Variants in CLDN10 observed in about 807,000 individuals in gnomAD.
CLDN10 encodes the protein claudin 10, also known as claudin-10.
Under a neutral mutation model 22.9 loss-of-function variants are expected in CLDN10, and 15 were observed. The ratio of observed to expected loss-of-function variants is 0.65; its 90% CI spans 0.44 to 1.01. The LOEUF (loss-of-function observed/expected upper bound fraction) is 1.01. Ranked by LOEUF, CLDN10 falls within the 50% of genes least tolerant of loss-of-function variation. The probability of loss-of-function intolerance (pLI) is 0.00; values close to 1 mark genes in which losing one functional copy is unlikely to be tolerated. For missense variants in CLDN10, 247 were observed against 287.8 expected (o/e 0.86, Z 1.03); for synonymous variants, 114 against 111.4 (o/e 1.02, Z -0.15).
intron 1 of CLDN10, 116 bp from the exon 2 acceptor site, chr13:95,560,016 C>A: frequency 1.0e-6 from 1 of 994,886 alleles, no homozygotes; most frequent in Non-Finnish European, 1.5e-6. Context: ...CACATGTTTT[C>A]ACCATCACAG....
At chr13:95,549,525 C>A (rs2043543166), upstream of CLDN10, among the ~76,000 whole-genome samples, 1 of 152,158 alleles carries the variant, frequency 6.6e-6, no homozygotes, top group Non-Finnish European at 1.5e-5. Flanking sequence ...CTTTAGAATT[C>A]TCCTGACAAA....
chr13:95,557,039 G>A (rs1173005645), intron 1 of CLDN10, among the ~76,000 whole-genome samples: 1 of 152,180 alleles, frequency 6.6e-6, no homozygotes, highest in African/African-American at 2.4e-5. Flanking sequence ...TCCTTTCAAA[G>A]TACCACTTGA....
intron 1 of CLDN10, among the ~76,000 whole-genome samples, chr13:95,450,564 C>T (rs571097739): frequency 1.3e-5 from 2 of 152,360 alleles, no homozygotes; most frequent in South Asian, 2.1e-4. Flanking sequence ...CATGTGTCTT[C>T]CTCACAGTCC....
chr13:95,577,488 A>C, intron 4 of CLDN10, 150 bp downstream of exon 4: 1 of 626,810 alleles, frequency 1.6e-6, no homozygotes, highest in South Asian at 2.0e-5. Context: ...TAATTTTTTA[A>C]AGTTTTACCA....
intron 1 of CLDN10, among the ~76,000 whole-genome samples, chr13:95,480,369 G>T (rs1442620832): frequency 6.6e-6 from 1 of 152,198 alleles, no homozygotes; most frequent in South Asian, 2.1e-4. Flanking sequence ...CCCTGTATTA[G>T]AGGAGAATGC....
chr13:95,486,513 A>C (rs1157699000), intron 1 of CLDN10, among the ~76,000 whole-genome samples: 5 of 136,786 alleles, frequency 3.7e-5, no homozygotes, highest in African/African-American at 8.1e-5. Flanking sequence ...ACACAGTGAG[A>C]CCCCATCTCA....
intron 3 of CLDN10, among the ~76,000 whole-genome samples, chr13:95,570,852 A>T (rs1358993665): frequency 1.5e-5 from 1 of 66,036 alleles, no homozygotes; most frequent in Non-Finnish European, 3.1e-5. Flanking sequence ...ACACACATAT[A>T]CGTGTGTATA....
At chr13:95,545,930 G>T (rs756064509) in intron 1 of CLDN10, among the ~76,000 whole-genome samples, 2 of 152,142 alleles carry the variant, frequency 1.3e-5, no homozygotes, top group Non-Finnish European at 2.9e-5. Context: ...ACAGATTTAA[G>T]AATTCTCTAA....
intron 1 of CLDN10, among the ~76,000 whole-genome samples, chr13:95,532,828 G>T (rs896492238): frequency 7.1e-6 from 1 of 140,330 alleles, no homozygotes; most frequent in African/African-American, 2.7e-5. Context: ...GACATGAACT[G>T]CTTATATGTG....
At position 95,511,971 on chromosome 13, in the gene CLDN10, G is replaced by A. The variant is rs1289737565; in HGVS notation, c.215-48161G>A. ...CCATTAACTCATCATTTAACATTAG[G>A]TATATCTCCTAATGCTATCCCCCCC... On this transcript the variant is annotated intron_variant, in intron 1 of 4. Coordinates refer to the CLDN10 transcript ENST00000376873. 5.2e-5 allele frequency among the ~76,000 whole-genome samples: 7 copies of A among 135,412 alleles called. 1 individual carries two copies. The highest frequency in any genetic ancestry group is 1.1e-4 in the Non-Finnish European group (7 of 61,316). 88.8% of individuals were successfully genotyped at this position (135,412 alleles called of 152,430 possible).
rs760177426 is a variant in CLDN10 at position 95,577,951 on chromosome 13, TG to T, written c.626del (p.Gly209ValfsTer30). On this transcript the variant is annotated frameshift_variant, in exon 5 of 5. Transcript: ENST00000299339. LOFTEE classifies it high-confidence loss of function. Reference protein sequence around the residue: ...SVMSSRTKYHGGEDFKTTNPS... With the variant: ...SVMSSRTKYHXGEDFKTTNPS... ...TCATGTCTTCTCGGACAAAGTATCATGGTGGAGAAGATTTTAAAACAACAAA... is the reference window on the plus strand; with the variant it reads ...TCATGTCTTCTCGGACAAAGTATCATGTGGAGAAGATTTTAAAACAACAAA... 1 of 1,613,988 alleles carries T rather than the reference TG, an allele frequency of 6.2e-7. No homozygotes were observed. The highest frequency in any genetic ancestry group is 8.5e-7 in the Non-Finnish European group (1 of 1,179,878).
At position 95,578,045 on chromosome 13, in the gene CLDN10, T is replaced by G; in HGVS notation, c.*31T>G. 7.4e-7 allele frequency: 1 copy of G among 1,359,088 alleles called. No individual in the cohort carries two copies. Among genetic ancestry groups the G allele is most frequent in the Non-Finnish European group, 1.0e-6 (1 of 955,664 alleles). The allele number at this position is 1,359,088 out of a possible 1,614,324, so 84.2% of individuals were successfully genotyped here. ...CTCGCTGGCAAGCTGCCTCTTGAGT[T>G]TGTTATAAAAGCGAACTGTTCACAA... On this transcript the variant is annotated 3_prime_UTR_variant, in exon 5 of 5. Coordinates refer to ENST00000299339, the MANE Select transcript of CLDN10 (RefSeq NM_006984.5).
At position 95,498,862 on chromosome 13, in the gene CLDN10, G is replaced by A. The variant is rs141306238; in HGVS notation, c.215-61270G>A. 2.5e-3 allele frequency among the ~76,000 whole-genome samples: 383 copies of A among 152,252 alleles called. 1 individual carries two copies. Among genetic ancestry groups the A allele is most frequent in the African/African-American group, 8.7e-3 (361 of 41,556 alleles). On this transcript the variant is annotated intron_variant, in intron 1 of 4. Transcript: ENST00000376873. ...TTTTATCTTGCAAAACTGAAACTCT[G>A]TACCCATTAAAGAACTCATTTCTGC...
chr13:95,448,126 G>A (rs1328717733), intron 1 of CLDN10, among the ~76,000 whole-genome samples: 2 of 151,758 alleles, frequency 1.3e-5, no homozygotes, highest in Admixed American at 6.6e-5. Context: ...ACATGCACAC[G>A]CATACACCAG....
At chr13:95,471,453 A>ATATTTTTTTTTT (rs776857009) in intron 1 of CLDN10, among the ~76,000 whole-genome samples, 1 of 106,414 alleles carries the variant, frequency 9.4e-6, no homozygotes, top group African/African-American at 4.0e-5. Context: ...ATATATATAT[A>ATATTTTTTTTTT]TTTTTTTTTT....
intron 1 of CLDN10, among the ~76,000 whole-genome samples, chr13:95,438,129 C>T (rs2042289484): frequency 6.6e-6 from 1 of 152,252 alleles, no homozygotes; most frequent in African/African-American, 2.4e-5. Context: ...TCATGGCTCA[C>T]TTCAGCCTTG....
intron 1 of CLDN10, among the ~76,000 whole-genome samples, chr13:95,487,845 T>A (rs562541856): frequency 1.1e-4 from 16 of 152,156 alleles, no homozygotes; most frequent in East Asian, 9.7e-4. Flanking sequence ...TGGCTAATTT[T>A]AAAAAATTTT....
chr13:95,516,740 C>T (rs2138574681), intron 1 of CLDN10, among the ~76,000 whole-genome samples: 1 of 152,292 alleles, frequency 6.6e-6, no homozygotes, highest in Admixed American at 6.5e-5. Context: ...CTTTGGATCT[C>T]TGTGTGTGCA....
intron 1 of CLDN10, among the ~76,000 whole-genome samples, chr13:95,502,750 A>T (rs954058738): frequency 1.3e-5 from 2 of 152,112 alleles, no homozygotes; most frequent in Non-Finnish European, 2.9e-5. Flanking sequence ...TGAACACCTG[A>T]CCTCAAGTGA....
Sources: allele counts gnomAD v4.1 joint callset (sites outside exome capture counted in the v4.1 genomes callset), GRCh38; gene constraint gnomAD v4.1.1; transcripts MANE v1.5; gene names NCBI Gene and HGNC (gene_info 2026-07-23, HGNC 2026-07-21).